ODAD2: variants seen among roughly 807,000 people sequenced by gnomAD.
The protein encoded by ODAD2 is outer dynein arm-docking complex subunit 2.
A neutral mutation model predicts 106.8 loss-of-function variants in ODAD2; 89 were observed. The observed-to-expected ratio is 0.83, with a 90% CI of 0.70 to 0.99. The LOEUF (loss-of-function observed/expected upper bound fraction) is 0.99, where lower values mean the gene tolerates loss of function less well. Among genes scored for constraint, ODAD2 ranks in the 50% least tolerant of loss-of-function variants. The probability of loss-of-function intolerance (pLI) is 0.00; values close to 1 mark genes in which losing one functional copy is unlikely to be tolerated. For synonymous variants in ODAD2, 404 were observed against 436.2 expected (o/e 0.93, Z 0.92); for missense variants, 1,168 against 1,238.5 (o/e 0.94, Z 0.85).
intron 10 of ODAD2, among the ~76,000 whole-genome samples, chr10:27,946,910 T>A (rs773920662): frequency 3.3e-5 from 5 of 152,192 alleles, no homozygotes; most frequent in Admixed American, 6.5e-5. Context: ...TAAGAAAATT[T>A]CTTCCATGCC....
At chr10:27,980,590 T>G (rs2133089221) in intron 7 of ODAD2, among the ~76,000 whole-genome samples, 1 of 152,232 alleles carries the variant, frequency 6.6e-6, no homozygotes, top group South Asian at 2.1e-4. Flanking sequence ...TTACTAATCA[T>G]TATGGAAATG....
At chr10:27,908,830 C>T (rs939656328) in intron 16 of ODAD2, among the ~76,000 whole-genome samples, 2 of 151,648 alleles carry the variant, frequency 1.3e-5, no homozygotes, top group African/African-American at 4.8e-5. Context: ...AAATTGGTGA[C>T]GCTGAAAAAG....
At chr10:27,880,005 A>T (rs1841595308) in intron 17 of ODAD2, among the ~76,000 whole-genome samples, 1 of 152,192 alleles carries the variant, frequency 6.6e-6, no homozygotes. Flanking sequence ...ACAAGAGCAG[A>T]GTGTAGCGGA....
intron 10 of ODAD2, among the ~76,000 whole-genome samples, chr10:27,947,695 T>C (rs1469692027): frequency 6.6e-6 from 1 of 152,164 alleles, no homozygotes; most frequent in Non-Finnish European, 1.5e-5. Context: ...AACCAAGTAC[T>C]TCAGCAAGAG....
intron 16 of ODAD2, among the ~76,000 whole-genome samples, chr10:27,921,937 A>C (rs1441082851): frequency 3.3e-5 from 5 of 150,710 alleles, no homozygotes; most frequent in Non-Finnish European, 7.4e-5. Context: ...GAGGCCAAGG[A>C]GGGTGGATAG....
At chr10:27,969,298 T>C (rs1235030736) in intron 8 of ODAD2, among the ~76,000 whole-genome samples, 2 of 151,768 alleles carry the variant, frequency 1.3e-5, no homozygotes, top group African/African-American at 4.9e-5. Flanking sequence ...CGATGCCTTC[T>C]ACTCTAGGTA....
chr10:27,923,469 T>C (rs535277438), intron 16 of ODAD2, among the ~76,000 whole-genome samples: 2 of 152,264 alleles, frequency 1.3e-5, no homozygotes, highest in South Asian at 2.1e-4. Flanking sequence ...CACCAAATAA[T>C]ACAGCACCTA....
rs80079724 is a variant in ODAD2, at chr10:27,921,559, G to A, written c.2495+13451C>T. Among the ~76,000 whole-genome samples, 135 of 151,512 alleles carry A rather than the reference G, an allele frequency of 8.9e-4. 2 individuals carry two copies. The highest frequency in any genetic ancestry group is 3.0e-3 in the African/African-American group (126 of 41,322). ...CCTTATCAGTCTTGGAGTTTGCTGG[G>A]ATTCCTGACAACTCATATATCTATA... On this transcript the variant is annotated intron_variant, in intron 16 of 19. Coordinates refer to ENST00000305242, the MANE Select transcript of ODAD2 (RefSeq NM_018076.5).
chr10:27,984,148 T>C (rs773391257), intron 5 of ODAD2, 36 bp downstream of exon 5: 2 of 1,534,604 alleles, frequency 1.3e-6, no homozygotes, highest in South Asian at 1.1e-5. Flanking sequence ...TATGAAAATG[T>C]AAATAACATA....
chr10:27,890,765 T>C (rs1260215371), intron 17 of ODAD2, among the ~76,000 whole-genome samples: 1 of 86,072 alleles, frequency 1.2e-5, no homozygotes, highest in Non-Finnish European at 2.6e-5. Flanking sequence ...CTGGTATATA[T>C]ATATTTAAAA....
At chr10:27,887,024 T>C (rs1053536361) in intron 17 of ODAD2, among the ~76,000 whole-genome samples, 1 of 152,030 alleles carries the variant, frequency 6.6e-6, no homozygotes, top group Admixed American at 6.6e-5. Context: ...TGCTTTCCTA[T>C]ACTTTAAATG....
Position 27,943,568 on chromosome 10 carries a change from C to T in ODAD2, c.1743+654G>A, listed in dbSNP as rs187252053. ...TTCGGAGGCCAAGGTGGGCGGATTA[C>T]CTGAGCTCAGGAGTTCAAGACCAGC... is the stretch of plus-strand genomic sequence containing the variant. On this transcript the variant is annotated intron_variant, in intron 12 of 19. Transcript: ENST00000305242. Among the ~76,000 whole-genome samples the T allele has an allele frequency of 6.1e-3, 928 of 152,016 alleles. 7 individuals are homozygous for T. The highest frequency in any genetic ancestry group is 0.024 in the Middle Eastern group (7 of 294).
chr10:27,860,517 T>A, intron 19 of ODAD2, 108 bp downstream of exon 19: 1 of 1,037,000 alleles, frequency 9.6e-7, no homozygotes, highest in Non-Finnish European at 1.4e-6. Context: ...AGGCAGGCAC[T>A]TTTGTGTCTC....
At chr10:27,944,143 G>C (rs76200471) in intron 12 of ODAD2, 79 bp downstream of exon 12, 1 of 1,251,356 alleles carries the variant, frequency 8.0e-7, no homozygotes, top group East Asian at 2.5e-5. Flanking sequence ...AATTTCCAGC[G>C]TGGCCAGAAA....
At chr10:27,907,567 C>T in intron 17 of ODAD2, 96 bp downstream of exon 17, 1 of 749,386 alleles carries the variant, frequency 1.3e-6, no homozygotes, top group South Asian at 2.1e-5. Context: ...ATAAATCTGA[C>T]TTACAATAAG....
chr10:27,845,601 G>C (rs913622786), intron 19 of ODAD2, among the ~76,000 whole-genome samples: 2 of 152,188 alleles, frequency 1.3e-5, no homozygotes, highest in Non-Finnish European at 2.9e-5. Flanking sequence ...TGGGCTAAAT[G>C]CTCCAATTAA....
chr10:27,907,579 C>A, intron 17 of ODAD2, 84 bp downstream of exon 17: 1 of 876,326 alleles, frequency 1.1e-6, no homozygotes, highest in Non-Finnish European at 1.8e-6. Flanking sequence ...TACAATAAGT[C>A]AAAAGCAATT....
chr10:27,919,374 AG>A (rs570097722), intron 16 of ODAD2, among the ~76,000 whole-genome samples: 153 of 152,180 alleles, frequency 1.0e-3, no homozygotes, highest in Non-Finnish European at 1.6e-3. Flanking sequence ...TCTGCTCAAA[AG>A]GAAGTCTTAA....
Position 27,898,250 on chromosome 10 carries a change from T to C in ODAD2, c.2610+9413A>G, listed in dbSNP as rs994194320. The stretch of plus-strand genomic sequence containing the variant: ...ACTTTAGTTATTATTATATTAGTTA[T>C]GATTATTTAGCCATATTCATCTTAG... On this transcript the variant is annotated intron_variant, in intron 17 of 19. Coordinates refer to ENST00000305242, the MANE Select transcript of ODAD2 (RefSeq NM_018076.5). Among the ~76,000 whole-genome samples the C allele has an allele frequency of 2.0e-5, 3 of 152,290 alleles. No homozygotes were observed. In the East Asian group the frequency reaches 5.8e-4, roughly 29 times the overall value.
Sources: allele counts gnomAD v4.1 joint callset (sites outside exome capture counted in the v4.1 genomes callset), GRCh38; gene constraint gnomAD v4.1.1; transcripts MANE v1.5; gene names NCBI Gene and HGNC (gene_info 2026-07-23, HGNC 2026-07-21).